Variants in RSPO2 observed in about 807,000 individuals in gnomAD.
RSPO2 encodes the protein R-spondin-2.
In RSPO2, 14 loss-of-function variants were observed where a neutral mutation model predicts 30.9. The ratio of observed to expected loss-of-function variants is 0.45; its 90% CI spans 0.30 to 0.71. The LOEUF is 0.71. RSPO2 is among the 30% of genes least tolerant of loss of function. The pLI is 0.08. For missense variants in RSPO2, 264 were observed against 301.9 expected, an observed-to-expected ratio of 0.87 and a Z score of 0.93; for synonymous variants, 107 against 96.4, an observed-to-expected ratio of 1.11 and a Z score of -0.64.
chr8:107,988,994 A>T, intron 3 of RSPO2, 62 bp downstream of exon 3: 1 of 1,398,690 alleles, frequency 7.1e-7, no homozygotes, highest in Admixed American at 2.5e-5. Flanking sequence ...AAAATCTTCA[A>T]CTTAGCTCCT....
chr8:108,029,778 A>G (rs886202174), intron 2 of RSPO2, among the ~76,000 whole-genome samples: 15 of 152,230 alleles, frequency 9.9e-5, no homozygotes, highest in African/African-American at 3.6e-4. Flanking sequence ...AGAAGAGGGT[A>G]TCGACAGGAG....
chr8:107,910,276 A>T (rs1466178417), intron 5 of RSPO2, among the ~76,000 whole-genome samples: 1 of 152,232 alleles, frequency 6.6e-6, no homozygotes, highest in Non-Finnish European at 1.5e-5. Flanking sequence ...ATTTAAGACC[A>T]TTGTCATATG....
chr8:108,061,668 C>A (rs1812470153), intron 2 of RSPO2, among the ~76,000 whole-genome samples: 1 of 151,910 alleles, frequency 6.6e-6, no homozygotes, highest in Admixed American at 6.6e-5. Flanking sequence ...TTGAACTCAG[C>A]TCTGCACCAA....
At chr8:107,954,900 C>CG (rs1301724895) in intron 5 of RSPO2, among the ~76,000 whole-genome samples, 1 of 152,272 alleles carries the variant, frequency 6.6e-6, no homozygotes, top group East Asian at 1.9e-4. Flanking sequence ...TGAGCCATTG[C>CG]GCCTGGCCTC....
chr8:108,031,387 TG>T (rs1284901149), intron 2 of RSPO2, among the ~76,000 whole-genome samples: 7 of 152,362 alleles, frequency 4.6e-5, no homozygotes, highest in Non-Finnish European at 1.0e-4. Flanking sequence ...GGCCTTATTA[TG>T]CTACCAACTT....
intron 2 of RSPO2, among the ~76,000 whole-genome samples, chr8:108,021,031 C>T (rs1364197710): frequency 6.6e-6 from 1 of 152,130 alleles, no homozygotes; most frequent in Non-Finnish European, 1.5e-5. Context: ...AGTTTTAGCA[C>T]ATACTTTTAC....
At chr8:108,017,255 G>A (rs542247022) in intron 2 of RSPO2, among the ~76,000 whole-genome samples, 1 of 152,086 alleles carries the variant, frequency 6.6e-6, no homozygotes, top group Non-Finnish European at 1.5e-5. Flanking sequence ...ATGACCTCGT[G>A]ATCTGCCTGC....
At chr8:107,922,532 T>C (rs536219302) in intron 5 of RSPO2, among the ~76,000 whole-genome samples, 1 of 152,298 alleles carries the variant, frequency 6.6e-6, no homozygotes, top group East Asian at 1.9e-4. Flanking sequence ...AATCAGTTTA[T>C]AGATTCAATG....
intron 2 of RSPO2, among the ~76,000 whole-genome samples, chr8:108,031,240 G>T (rs2440386): frequency 2.0e-5 from 3 of 151,862 alleles, no homozygotes; most frequent in Admixed American, 1.3e-4. Context: ...CTATAAAGAG[G>T]GTACTTAAAA....
intron 2 of RSPO2, among the ~76,000 whole-genome samples, chr8:108,052,965 A>G (rs1325047399): frequency 6.6e-6 from 1 of 152,014 alleles, no homozygotes. Flanking sequence ...TCTCTTACAC[A>G]TATATATATA....
Position 108,060,801 on chromosome 8 carries a change from T to A in RSPO2, c.94+21744A>T, listed in dbSNP as rs370926015. Among the ~76,000 whole-genome samples the A allele has an allele frequency of 7.2e-5, 11 of 151,782 alleles. 1 individual carries two copies. Among genetic ancestry groups the A allele is most frequent in the African/African-American group, 2.4e-4 (10 of 41,150 alleles). On this transcript the variant is annotated intron_variant, in intron 2 of 5. Transcript: ENST00000276659. ...GCCAGAGAGAAAGGTCGGGTTACCC[T>A]CAAAGGGAAGCCCATCAGACTAACA...
At chr8:108,049,518 G>C (rs1812015385) in intron 2 of RSPO2, among the ~76,000 whole-genome samples, 1 of 151,702 alleles carries the variant, frequency 6.6e-6, no homozygotes, top group South Asian at 2.1e-4. Context: ...AAGCCCCGCA[G>C]GCATTAGGTA....
intron 5 of RSPO2, among the ~76,000 whole-genome samples, chr8:107,954,084 G>A (rs1813336242): frequency 6.6e-6 from 1 of 152,150 alleles, no homozygotes; most frequent in South Asian, 2.1e-4. Context: ...AGTATCTGAT[G>A]AAATAAATTA....
chr8:107,951,050 T>TTTTG (rs1554575801), intron 5 of RSPO2, among the ~76,000 whole-genome samples: 6 of 69,864 alleles, frequency 8.6e-5, no homozygotes, highest in East Asian at 1.7e-3. Flanking sequence ...TAAGTTTTTT[T>TTTTG]TTGTTGTTGT....
At chr8:108,037,272 T>C (rs957530438) in intron 2 of RSPO2, among the ~76,000 whole-genome samples, 2 of 152,294 alleles carry the variant, frequency 1.3e-5, no homozygotes, top group African/African-American at 2.4e-5. Flanking sequence ...ATATTACCGA[T>C]GTGGAGAAAG....
intron 2 of RSPO2, among the ~76,000 whole-genome samples, chr8:107,992,533 G>A (rs767860706): frequency 4.6e-5 from 7 of 152,058 alleles, no homozygotes; most frequent in Non-Finnish European, 1.0e-4. Context: ...TAACAAACCT[G>A]CACTTGTACC....
At chr8:107,907,223 G>C (rs751646263) in intron 5 of RSPO2, among the ~76,000 whole-genome samples, 4 of 151,934 alleles carry the variant, frequency 2.6e-5, no homozygotes, top group Admixed American at 6.6e-5. Context: ...TGAATCAATT[G>C]TGGCTCTTTA....
intron 2 of RSPO2, among the ~76,000 whole-genome samples, chr8:107,999,372 A>T (rs1397904644): frequency 7.0e-6 from 1 of 143,066 alleles, no homozygotes; most frequent in Non-Finnish European, 1.6e-5. Context: ...GTCTTAGATC[A>T]TTTGGCTTCT....
At chr8:108,040,406 A>C (rs1173818478) in intron 2 of RSPO2, among the ~76,000 whole-genome samples, 1 of 152,140 alleles carries the variant, frequency 6.6e-6, no homozygotes, top group East Asian at 1.9e-4. Context: ...AAGACACTTT[A>C]GACAAGAAAA....
Sources: gnomAD v4.1 joint callset for allele counts (sites outside exome capture counted in the v4.1 genomes callset) on GRCh38, gnomAD v4.1.1 for gene constraint, MANE v1.5 for transcripts, NCBI Gene and HGNC (gene_info 2026-07-23, HGNC 2026-07-21) for gene names.